DISP1: variants seen among roughly 807,000 people sequenced by gnomAD.
DISP1 encodes dispatched RND transporter family member 1, also known as protein dispatched homolog 1.
In DISP1, 30 loss-of-function variants were observed where a neutral mutation model predicts 37.3. That is an observed-to-expected ratio of 0.80 (90% confidence interval 0.60 to 1.09). The LOEUF (loss-of-function observed/expected upper bound fraction) is 1.09, where lower values mean the gene tolerates loss of function less well. Ranked by LOEUF, DISP1 falls within the 50% of genes least tolerant of loss-of-function variation. The pLI, the probability that DISP1 is intolerant of heterozygous loss-of-function variation, is 0.00. For missense variants in DISP1, 1,598 were observed against 1,879.5 expected, an observed-to-expected ratio of 0.85 and a Z score of 2.77; for synonymous variants, 634 against 690.2, an observed-to-expected ratio of 0.92 and a Z score of 1.28.
chr1:222,840,524 G>C (rs895088144), intron 1 of DISP1, among the ~76,000 whole-genome samples: 1 of 148,344 alleles, frequency 6.7e-6, no homozygotes, highest in Non-Finnish European at 1.5e-5. Context: ...TTACAGGCGT[G>C]AGCCACCATG....
chr1:222,997,718 C>T (rs1679175239), intron 8 of DISP1, among the ~76,000 whole-genome samples: 2 of 151,996 alleles, frequency 1.3e-5, no homozygotes, highest in Admixed American at 1.3e-4. Context: ...GTTTGTAATC[C>T]CTGGCAAGAA....
intron 1 of DISP1, among the ~76,000 whole-genome samples, chr1:222,845,090 G>A (rs1355387575): frequency 6.6e-6 from 1 of 152,084 alleles, no homozygotes; most frequent in Admixed American, 6.5e-5. Flanking sequence ...TGCTAAAAAG[G>A]TCAAATCTCC....
rs761469315 is a variant in DISP1 at position 222,983,064 on chromosome 1, C to CTT, written c.510-5_510-4dup. Reference sequence around the variant, plus strand: ...TCTGTTTTTGATCATTTTTCCTTTGCTTTTTTTTTTTTCAGACCATCCAGA... The same window carrying CTT: ...TCTGTTTTTGATCATTTTTCCTTTGCTTTTTTTTTTTTTTCAGACCATCCAGA... On this transcript the variant is annotated splice_polypyrimidine_tract_variant and intron_variant, in intron 3 of 8. Transcript: ENST00000675850. 365 of 1,158,412 alleles carry CTT rather than the reference C, an allele frequency of 3.2e-4. No individual in the cohort carries two copies. The highest frequency in any genetic ancestry group is 4.3e-4 in the South Asian group (28 of 64,478). The allele number at this position is 1,158,412 out of a possible 1,614,324, so 71.8% of individuals were successfully genotyped here. A position where few individuals can be genotyped will look rare whatever the true frequency, so the allele number is the denominator to read the frequency against.
chr1:222,964,277 G>A (rs557764324), intron 3 of DISP1, among the ~76,000 whole-genome samples: 42 of 131,218 alleles, frequency 3.2e-4, no homozygotes, highest in African/African-American at 1.1e-3. Context: ...CCAGCCTGGC[G>A]ACAGAGCGAG....
At chr1:222,914,665 G>C (rs1447787390) in intron 1 of DISP1, among the ~76,000 whole-genome samples, 2 of 67,090 alleles carry the variant, frequency 3.0e-5, no homozygotes, top group African/African-American at 1.0e-4. Flanking sequence ...GTGTAAATAA[G>C]TTAAGATCAT....
intron 3 of DISP1, among the ~76,000 whole-genome samples, chr1:222,951,432 GA>G (rs1675212345): frequency 1.7e-5 from 1 of 58,832 alleles, no homozygotes; most frequent in East Asian, 6.4e-4. Flanking sequence ...TCTACCACCA[GA>G]ATTCTTGTTT....
chr1:222,952,867 A>AAC (rs1464162409), intron 3 of DISP1, among the ~76,000 whole-genome samples: 2 of 152,086 alleles, frequency 1.3e-5, no homozygotes, highest in Non-Finnish European at 2.9e-5. Flanking sequence ...CAAACAAACA[A>AAC]ACAAAAAATC....
chr1:222,827,556 A>G (rs908438844), intron 1 of DISP1: 4 of 152,122 alleles, frequency 2.6e-5, no homozygotes, highest in Non-Finnish European at 5.9e-5. Context: ...TATTTTATCA[A>G]ATTTTGGTAT....
chr1:222,852,902 G>C (rs2125312568), intron 1 of DISP1, among the ~76,000 whole-genome samples: 1 of 151,902 alleles, frequency 6.6e-6, no homozygotes, highest in East Asian at 1.9e-4. Flanking sequence ...GGCATATGGG[G>C]GGCTCTGGGT....
intron 1 of DISP1, among the ~76,000 whole-genome samples, chr1:222,876,558 A>G (rs1436517769): frequency 6.6e-6 from 1 of 152,222 alleles, no homozygotes; most frequent in Non-Finnish European, 1.5e-5. Context: ...TAATGTCTTT[A>G]TACTGTGGAG....
chr1:222,910,364 A>T (rs1266476345), intron 1 of DISP1, among the ~76,000 whole-genome samples: 1 of 152,160 alleles, frequency 6.6e-6, no homozygotes, highest in African/African-American at 2.4e-5. Flanking sequence ...CCCTGTCTCC[A>T]AAAAACAAAC....
intron 1 of DISP1, among the ~76,000 whole-genome samples, chr1:222,895,276 AAAGGCTCATTAGG>A (rs1471176528): frequency 1.3e-5 from 2 of 152,190 alleles, no homozygotes; most frequent in African/African-American, 4.8e-5. Context: ...GGAAATTCTG[AAAGGCTCATTAGG>A]AACCTTTTGT....
intron 1 of DISP1, among the ~76,000 whole-genome samples, chr1:222,900,612 A>C (rs976702222): frequency 1.3e-5 from 2 of 152,194 alleles, no homozygotes; most frequent in Non-Finnish European, 2.9e-5. Context: ...GAAAGACTGA[A>C]ACTTAACTGT....
chr1:222,965,023 T>C (rs1676366008), intron 3 of DISP1, among the ~76,000 whole-genome samples: 1 of 152,124 alleles, frequency 6.6e-6, no homozygotes, highest in Non-Finnish European at 1.5e-5. Flanking sequence ...TTTTTTCAAG[T>C]ATTCTTCTAT....
At chr1:222,881,115 A>T (rs1670247912) in intron 1 of DISP1, among the ~76,000 whole-genome samples, 1 of 152,154 alleles carries the variant, frequency 6.6e-6, no homozygotes, top group Admixed American at 6.5e-5. Context: ...TAGGAAAATT[A>T]ATTTTTAATT....
rs138305944 is a variant in DISP1 at position 223,005,358 on chromosome 1, G to A, written c.3961G>A (p.Ala1321Thr). ...GVAPLKATHQ[A>T]VEGFVHPITH... ...GGCACCTCTGAAGGCCACACACCAAGCTGTCGAGGGCTTTGTGCACCCCAT... is the reference window on the plus strand; with the variant it reads ...GGCACCTCTGAAGGCCACACACCAAACTGTCGAGGGCTTTGTGCACCCCAT... Residue 1321 changes from alanine (A) to threonine (T), a missense_variant, in exon 9 of 9, where the codon GCT (alanine) becomes ACT (threonine). Physicochemically the swap from Ala to Thr is moderately conservative, Grantham distance 58. Coordinates refer to ENST00000675850, the MANE Select transcript of DISP1 (RefSeq NM_001377229.1). 4 of 1,613,402 alleles carry A rather than the reference G, an allele frequency of 2.5e-6. No homozygotes were observed. The African/African-American group carries it at 5.3e-5, about 22-fold the overall frequency.
intron 1 of DISP1, among the ~76,000 whole-genome samples, chr1:222,897,579 A>G (rs1026402128): frequency 7.2e-5 from 11 of 152,188 alleles, no homozygotes; most frequent in African/African-American, 2.7e-4. Context: ...TTTGTCGGCT[A>G]AATTTATGAG....
intron 1 of DISP1, among the ~76,000 whole-genome samples, chr1:222,854,424 G>C (rs868381004): frequency 8.5e-5 from 13 of 152,240 alleles, no homozygotes; most frequent in Middle Eastern, 6.8e-3. Context: ...ATCAGATCTT[G>C]TGAGACTCAC....
chr1:222,838,165 A>G (rs1470463815), intron 1 of DISP1, among the ~76,000 whole-genome samples: 1 of 152,092 alleles, frequency 6.6e-6, no homozygotes, highest in Non-Finnish European at 1.5e-5. Flanking sequence ...TTCTTTCCCT[A>G]ATATAATTAT....
Sources: gnomAD v4.1 joint callset for allele counts (sites outside exome capture counted in the v4.1 genomes callset) on GRCh38, gnomAD v4.1.1 for gene constraint, MANE v1.5 for transcripts, NCBI Gene and HGNC (gene_info 2026-07-23, HGNC 2026-07-21) for gene names.